The following SLC35F4 variants were observed in gnomAD, a reference collection of about 807,000 sequenced individuals.
SLC35F4 encodes solute carrier family 35 member F4, also known as chromosome 14 open reading frame 36.
In SLC35F4, 24 loss-of-function variants were observed where a neutral mutation model predicts 44.2. The ratio of observed to expected loss-of-function variants is 0.54; its 90% CI spans 0.39 to 0.76. SLC35F4 has a LOEUF of 0.76. SLC35F4 is among the 30% of genes least tolerant of loss of function. The pLI, the probability that SLC35F4 is intolerant of heterozygous loss-of-function variation, is 0.00. For synonymous variants in SLC35F4, 238 were observed against 223.6 expected, an observed-to-expected ratio of 1.06 and a Z score of -0.57; for missense variants, 562 against 586.1, an observed-to-expected ratio of 0.96 and a Z score of 0.42.
At chr14:57,841,459 GC>G (rs1885474412) in intron 1 of SLC35F4, among the ~76,000 whole-genome samples, 1 of 152,158 alleles carries the variant, frequency 6.6e-6, no homozygotes, top group Non-Finnish European at 1.5e-5. Flanking sequence ...TTCTTAGAAA[GC>G]CCAAACTACT....
chr14:57,594,259 G>C, intron 1 of SLC35F4, 135 bp from the exon 2 acceptor site: 8 of 844,062 alleles, frequency 9.5e-6, no homozygotes, highest in South Asian at 3.9e-5. Flanking sequence ...GTGTGATCTC[G>C]AGTCACTGCA....
chr14:57,714,576 A>G (rs76303486), intron 1 of SLC35F4, among the ~76,000 whole-genome samples: 10 of 152,276 alleles, frequency 6.6e-5, no homozygotes, highest in Admixed American at 2.6e-4. Flanking sequence ...TATAAATCAG[A>G]CCACCAAGAA....
rs186967602 is a variant in SLC35F4 at position 57,957,289 on chromosome 14, G to C, written n.282+24624C>G. On this transcript the variant is annotated intron_variant and non_coding_transcript_variant, in intron 1 of 1. Coordinates refer to the SLC35F4 transcript ENST00000556568. The stretch of plus-strand genomic sequence containing the variant: ...GAATATCACACACCGGGGACTGTCA[G>C]GGGGTAGGGGCTAGGGGAGGGATAG... Among the ~76,000 whole-genome samples, 39 of 152,240 alleles carry C rather than the reference G, an allele frequency of 2.6e-4. No homozygotes were observed. The East Asian group carries it at 7.4e-3, about 29-fold the overall frequency.
intron 1 of SLC35F4, among the ~76,000 whole-genome samples, chr14:57,944,114 G>C (rs958994371): frequency 9.9e-5 from 15 of 152,218 alleles, no homozygotes; most frequent in African/African-American, 3.6e-4. Flanking sequence ...TGTGATTGCA[G>C]GAAAAGTCAA....
At chr14:57,884,801 C>T (rs915524528) in intron 1 of SLC35F4, among the ~76,000 whole-genome samples, 1 of 152,012 alleles carries the variant, frequency 6.6e-6, no homozygotes, top group African/African-American at 2.4e-5. Context: ...ATAATAACAA[C>T]TGTGCCCTAT....
intron 1 of SLC35F4, among the ~76,000 whole-genome samples, chr14:57,897,649 G>A (rs1017817354): frequency 6.6e-6 from 1 of 152,060 alleles, no homozygotes; most frequent in African/African-American, 2.4e-5. Context: ...GTCCACGAAA[G>A]AGATGGTATT....
intron 1 of SLC35F4, among the ~76,000 whole-genome samples, chr14:57,859,992 G>C (rs978681544): frequency 6.6e-6 from 1 of 152,148 alleles, no homozygotes; most frequent in Non-Finnish European, 1.5e-5. Flanking sequence ...TGAAATACAG[G>C]TGTGGGTTCA....
chr14:57,863,055 C>G (rs965597664), intron 1 of SLC35F4, among the ~76,000 whole-genome samples: 4 of 152,086 alleles, frequency 2.6e-5, no homozygotes, highest in Non-Finnish European at 4.4e-5. Context: ...AATATAGAAA[C>G]AGTGTCTCAC....
At chr14:57,735,634 C>G (rs557841214) in intron 1 of SLC35F4, among the ~76,000 whole-genome samples, 1 of 152,170 alleles carries the variant, frequency 6.6e-6, no homozygotes, top group African/African-American at 2.4e-5. Flanking sequence ...CAATGTTCCT[C>G]AAGGCCTCAC....
At chr14:57,694,620 T>A (rs1482470755) in intron 1 of SLC35F4, among the ~76,000 whole-genome samples, 1 of 152,146 alleles carries the variant, frequency 6.6e-6, no homozygotes, top group African/African-American at 2.4e-5. Flanking sequence ...TATCCCTCAG[T>A]TTGGGGAAAA....
intron 3 of SLC35F4, among the ~76,000 whole-genome samples, chr14:57,582,084 G>A (rs918331611): frequency 2.6e-5 from 4 of 152,208 alleles, no homozygotes; most frequent in African/African-American, 4.8e-5. Flanking sequence ...GTCTAAATTC[G>A]GTGTGAGAAA....
intron 1 of SLC35F4, among the ~76,000 whole-genome samples, chr14:57,750,701 C>T (rs2076864454): frequency 6.6e-6 from 1 of 151,986 alleles, no homozygotes; most frequent in East Asian, 1.9e-4. Flanking sequence ...TATTCGTGTC[C>T]TTGGCCTGCT....
chr14:57,688,929 T>C (rs986720491), intron 1 of SLC35F4, among the ~76,000 whole-genome samples: 5 of 152,212 alleles, frequency 3.3e-5, no homozygotes, highest in African/African-American at 9.6e-5. Flanking sequence ...AGTATGATGG[T>C]TAGTACTAGA....
intron 1 of SLC35F4, among the ~76,000 whole-genome samples, chr14:57,610,863 G>T (rs1440725190): frequency 6.6e-6 from 1 of 152,216 alleles, no homozygotes; most frequent in Non-Finnish European, 1.5e-5. Flanking sequence ...AACAGACATG[G>T]TTTCAGTCCT....
chr14:57,864,242 A>T (rs1392009985), intron 1 of SLC35F4, among the ~76,000 whole-genome samples: 1 of 152,330 alleles, frequency 6.6e-6, no homozygotes, highest in African/African-American at 2.4e-5. Flanking sequence ...TCCTTTACTT[A>T]TGTTTCCAGG....
chr14:57,589,550 AG>A, intron 2 of SLC35F4, 37 bp from the exon 3 acceptor site: 1 of 1,540,420 alleles, frequency 6.5e-7, no homozygotes, highest in Non-Finnish European at 8.7e-7. Flanking sequence ...TGAGGAAAGC[AG>A]GTTATGAAAC....
chr14:57,909,560 A>G (rs904004541), intron 1 of SLC35F4, among the ~76,000 whole-genome samples: 5 of 151,830 alleles, frequency 3.3e-5, no homozygotes, highest in Admixed American at 1.3e-4. Flanking sequence ...ACACACACAC[A>G]CACACACACA....
intron 1 of SLC35F4, among the ~76,000 whole-genome samples, chr14:57,646,941 T>A (rs1315764087): frequency 6.6e-6 from 1 of 152,152 alleles, no homozygotes; most frequent in Non-Finnish European, 1.5e-5. Flanking sequence ...TTTGAGTGAG[T>A]TTCTTAATCC....
chr14:57,841,342 C>T (rs1885462429), intron 1 of SLC35F4, among the ~76,000 whole-genome samples: 1 of 152,102 alleles, frequency 6.6e-6, no homozygotes, highest in African/African-American at 2.4e-5. Flanking sequence ...TCTCTAGTTC[C>T]TAAGAAGACC....
Sources: gnomAD v4.1 joint callset for allele counts (sites outside exome capture counted in the v4.1 genomes callset) on GRCh38, gnomAD v4.1.1 for gene constraint, MANE v1.5 for transcripts, NCBI Gene and HGNC (gene_info 2026-07-23, HGNC 2026-07-21) for gene names.